Variants in YAF2 observed in about 807,000 individuals in gnomAD.
YAF2 encodes the protein YY1 associated factor 2, also known as YY1-associated factor 2.
A neutral mutation model predicts 20.1 loss-of-function variants in YAF2; 7 were observed. The observed-to-expected ratio is 0.35, with a 90% CI of 0.20 to 0.65. The LOEUF (loss-of-function observed/expected upper bound fraction) is 0.65, where lower values mean the gene tolerates loss of function less well. Among genes scored for constraint, YAF2 ranks in the 30% least tolerant of loss-of-function variants. YAF2 has a pLI of 0.69. For missense variants in YAF2, 151 were observed against 219.2 expected (o/e 0.69, Z 1.96); for synonymous variants, 74 against 76.0 (o/e 0.97, Z 0.14).
chr12:42,215,903 C>T (rs1034320319), intron 2 of YAF2, among the ~76,000 whole-genome samples: 4 of 151,248 alleles, frequency 2.6e-5, no homozygotes, highest in South Asian at 2.1e-4. Context: ...GCAGCCTAGG[C>T]GACAGAGCGA....
chr12:42,227,080 C>T lies in YAF2; in HGVS notation c.152+10519G>A, dbSNP rs1055261165. ...ACCGCAGCCGCCGCCGCCCGACCGC[C>T]GGGAGGATGGAGTTCAGCGGGCAGC... On this transcript the variant is annotated intron_variant, in intron 2 of 3. Transcript: ENST00000534854. Among the ~76,000 whole-genome samples the T allele has an allele frequency of 5.6e-5, 8 of 142,954 alleles. No homozygotes were observed. The East Asian group carries it at 1.4e-3, about 25-fold the overall frequency. The allele number at this position is 142,954 out of a possible 152,430, so 93.8% of individuals were successfully genotyped here.
intron 2 of YAF2, chr12:42,210,693 G>A: frequency 6.5e-7 from 1 of 1,528,914 alleles, no homozygotes; most frequent in South Asian, 1.2e-5. Context: ...ATCAGAATAA[G>A]AAGATTATTT....
chr12:42,160,644 G>C lies in YAF2; in HGVS notation c.488C>G (p.Ser163Cys). 1 of 1,613,744 alleles carries C rather than the reference G, an allele frequency of 6.2e-7. No homozygotes were observed. Among genetic ancestry groups the C allele is most frequent in the Non-Finnish European group, 8.5e-7 (1 of 1,179,872 alleles). Residue 163 changes from serine to cysteine, a missense_variant, in exon 4 of 4, where the codon TCC becomes TGC. Ser to Cys is a moderately radical substitution (Grantham distance 112). Around this residue, in one of 3 missense-constraint regions of YAF2, gnomAD observed 51 missense variants for 48.9 expected, o/e 1.04. Coordinates refer to ENST00000534854, the MANE Select transcript of YAF2 (RefSeq NM_005748.6). The part of the protein sequence containing the change: ...SSSDNTERGM[S>C]RSSSPRGEAS... ...TTCTCCTCTGGGTGAAGATGACCTG[G>C]ACATTCCTCTCTCTGTGTTATCAGA...
chr12:42,209,335 G>T (rs994182519), intron 2 of YAF2, among the ~76,000 whole-genome samples: 1 of 151,478 alleles, frequency 6.6e-6, no homozygotes, highest in Non-Finnish European at 1.5e-5. Context: ...AGGCCAAGGT[G>T]GGCAGATCAT....
chr12:42,210,370 T>A, intron 2 of YAF2: 1 of 1,529,716 alleles, frequency 6.5e-7, no homozygotes, highest in South Asian at 1.2e-5. Flanking sequence ...ACTTGAGTTA[T>A]CCTATTGGGT....
In YAF2 at chr12:42,165,851, G is replaced by T. The variant is rs1435251701; in HGVS notation, c.153-4086C>A. Among the ~76,000 whole-genome samples, 4 of 134,198 alleles carry T rather than the reference G, an allele frequency of 3.0e-5. No homozygotes were observed. The East Asian group carries it at 6.7e-4, about 22-fold the overall frequency. The allele number at this position is 134,198 out of a possible 152,430, so 88.0% of individuals were successfully genotyped here. ...GCCTAATCCTATGAACATTCATCTT[G>T]TAAGTACTGATTCTTGGTTTTAAAT... On this transcript the variant is annotated intron_variant, in intron 2 of 3. Transcript: ENST00000534854.
At chr12:42,175,428 G>A (rs1452637290) in intron 2 of YAF2, among the ~76,000 whole-genome samples, 1 of 151,968 alleles carries the variant, frequency 6.6e-6, no homozygotes, top group African/African-American at 2.4e-5. Context: ...TAATGGATGT[G>A]TGTCTGCTCT....
At chr12:42,164,844 C>T (rs568084486) in intron 2 of YAF2, among the ~76,000 whole-genome samples, 1 of 152,124 alleles carries the variant, frequency 6.6e-6, no homozygotes, top group South Asian at 2.1e-4. Context: ...CCAAGGCAGG[C>T]AGATCATTTG....
At chr12:42,166,248 A>G (rs2065914436) in intron 2 of YAF2, among the ~76,000 whole-genome samples, 2 of 152,076 alleles carry the variant, frequency 1.3e-5, no homozygotes, top group South Asian at 4.1e-4. Context: ...GCTTTTCTTT[A>G]CTTCTACCAC....
In YAF2 at chr12:42,233,398, C is replaced by T. The variant is rs909609830; in HGVS notation, c.152+4201G>A. 7.1e-6 allele frequency: 7 copies of T among 984,118 alleles called. No individual in the cohort carries two copies. The African/African-American group carries it at 8.7e-5, about 12-fold the overall frequency. The allele number at this position is 984,118 out of a possible 1,614,324, so 61.0% of individuals were successfully genotyped here. On this transcript the variant is annotated intron_variant, in intron 2 of 3. Transcript: ENST00000534854. Reference sequence around the variant, plus strand: ...GAATTAAGCAATATTAAGTAACTGTCCACTACTAGATGAAGTACCAATAAG... The same window carrying T: ...GAATTAAGCAATATTAAGTAACTGTTCACTACTAGATGAAGTACCAATAAG...
chr12:42,207,235 C>T (rs1466592544), intron 2 of YAF2, among the ~76,000 whole-genome samples: 2 of 152,190 alleles, frequency 1.3e-5, no homozygotes, highest in East Asian at 3.8e-4. Flanking sequence ...TTTATCTTGG[C>T]TTGTCTAATG....
intron 2 of YAF2, among the ~76,000 whole-genome samples, chr12:42,196,384 G>C (rs2137130023): frequency 6.6e-6 from 1 of 152,256 alleles, no homozygotes; most frequent in South Asian, 2.1e-4. Context: ...ATGGAAAGAG[G>C]TAAGGCTGAA....
chr12:42,164,573 T>C (rs1321606393), intron 2 of YAF2, among the ~76,000 whole-genome samples: 1 of 151,932 alleles, frequency 6.6e-6, no homozygotes, highest in Non-Finnish European at 1.5e-5. Flanking sequence ...ACAATGACAT[T>C]CTTTACTAAA....
intron 2 of YAF2, among the ~76,000 whole-genome samples, chr12:42,195,022 C>A (rs1051644979): frequency 2.6e-5 from 4 of 152,128 alleles, no homozygotes; most frequent in Non-Finnish European, 5.9e-5. Context: ...AAATATTATA[C>A]CAACAGGTAG....
intron 2 of YAF2, 131 bp from the exon 3 acceptor site, chr12:42,161,896 A>C (rs2065807209): frequency 2.5e-5 from 20 of 797,826 alleles, no homozygotes; most frequent in South Asian, 2.3e-4. Context: ...CCTCATATGT[A>C]AGGTAATTTA....
chr12:42,229,695 C>T (rs985876253), intron 2 of YAF2, among the ~76,000 whole-genome samples: 2 of 152,212 alleles, frequency 1.3e-5, no homozygotes, highest in African/African-American at 4.8e-5. Flanking sequence ...GTACAGCCTA[C>T]TACATACCTA....
At chr12:42,224,658 G>A (rs1194341226) in intron 2 of YAF2, among the ~76,000 whole-genome samples, 1 of 152,050 alleles carries the variant, frequency 6.6e-6, no homozygotes, top group African/African-American at 2.4e-5. Context: ...TTAGTGTGCT[G>A]TAAATGATGG....
intron 2 of YAF2, among the ~76,000 whole-genome samples, chr12:42,210,132 C>T (rs368285185): frequency 4.6e-5 from 7 of 152,076 alleles, no homozygotes; most frequent in South Asian, 4.1e-4. Flanking sequence ...GCAGCTATTA[C>T]GTAAATAAGA....
At chr12:42,181,474 G>A (rs1228539492) in intron 2 of YAF2, among the ~76,000 whole-genome samples, 1 of 152,132 alleles carries the variant, frequency 6.6e-6, no homozygotes, top group African/African-American at 2.4e-5. Context: ...CAGATCTGTG[G>A]CTCTTTGAAT....
Sources: allele counts gnomAD v4.1 joint callset (sites outside exome capture counted in the v4.1 genomes callset), GRCh38; gene constraint gnomAD v4.1.1; regional missense constraint gnomAD v4.1.1; transcripts MANE v1.5; gene names NCBI Gene and HGNC (gene_info 2026-07-23, HGNC 2026-07-21).